PRR12: variants seen among roughly 807,000 people sequenced by gnomAD.
The protein encoded by PRR12 is proline-rich protein 12.
Under a neutral mutation model 138.0 loss-of-function variants are expected in PRR12, and 12 were observed. The ratio of observed to expected loss-of-function variants is 0.09; its 90% confidence interval spans 0.06 to 0.14. PRR12 has a LOEUF of 0.14. Ranked by LOEUF, PRR12 falls within the 10% of genes least tolerant of loss-of-function variation. PRR12 has a pLI of 1.00. For synonymous variants in PRR12, 1,567 were observed against 1,291.7 expected (o/e 1.21, Z -4.57); for missense variants, 2,692 against 2,861.3 (o/e 0.94, Z 1.35).
At position 49,601,621 on chromosome 19, in the gene PRR12, G is replaced by A. The variant is rs762743438; in HGVS notation, c.4476G>A (p.Thr1492=). The A allele has an allele frequency of 7.2e-6, 11 of 1,524,416 alleles. No individual in the cohort carries two copies. The highest frequency in any genetic ancestry group is 2.5e-5 in the East Asian group (1 of 39,802). The allele number at this position is 1,524,416 out of a possible 1,614,324, so 94.4% of individuals were successfully genotyped here. Residue 1492 remains threonine (T), a synonymous_variant, in exon 6 of 14, where the codon ACG becomes ACA. Coordinates refer to ENST00000418929, the MANE Select transcript of PRR12 (RefSeq NM_020719.3). ...CGCCACCCCCGCTGGTGGCCCCCAC[G>A]CCCAGCTCACCACCGCCACCGCCGC... ...LPSPPPLVAP[T]PSSPPPPPLP... is the part of the protein sequence containing the mutation.
intron 9 of PRR12, among the ~76,000 whole-genome samples, chr19:49,619,851 CT>C (rs55707507): frequency 1.6e-3 from 86 of 53,940 alleles, no homozygotes; most frequent in East Asian, 0.012. Context: ...CAATGCCTGG[CT>C]TTTTTTTTTT....
Position 49,594,333 on chromosome 19 carries a change from C to T in PRR12, c.200-121C>T, listed in dbSNP as rs1368951818. The T allele has an allele frequency of 1.6e-5, 15 of 926,188 alleles. No individual in the cohort carries two copies. The highest frequency in any genetic ancestry group is 2.7e-5 in the East Asian group (1 of 37,658). The allele number at this position is 926,188 out of a possible 1,614,324, so 57.4% of individuals were successfully genotyped here. ...TCTATCCATCTTGTTTTTGAATTTG[C>T]CCTTTTCTCTCCCATCCCCTCCTTT... On this transcript the variant is annotated intron_variant, in intron 2 of 13. Coordinates refer to ENST00000418929, the MANE Select transcript of PRR12 (RefSeq NM_020719.3). This position sits in a 1 kb window ranked among gnomAD's most constrained non-coding sequence, Gnocchi z 5.6.
At position 49,597,008 on chromosome 19, in the gene PRR12, C is replaced by G; in HGVS notation, c.2673C>G (p.Pro891=). The stretch of plus-strand genomic sequence containing the variant: ...TGCTCGGGGCTCTGGAGCCGCTGCC[C>G]CCGGCGCCTGGGGATACTGGCGTAG... The part of the protein sequence containing the change: ...QELLGALEPL[P]PAPGDTGVGP... Residue 891 remains proline (P), a synonymous_variant, in exon 4 of 14, where the codon CCC becomes CCG. Coordinates refer to ENST00000418929, the MANE Select transcript of PRR12 (RefSeq NM_020719.3). The surrounding 1 kb of genome is among the most constrained non-coding windows in gnomAD (Gnocchi z 6.3). The G allele has an allele frequency of 6.4e-7, 1 of 1,558,092 alleles. No homozygotes were observed. Among genetic ancestry groups the G allele is most frequent in the Non-Finnish European group, 8.7e-7 (1 of 1,153,990 alleles).
chr19:49,597,768 C>A lies in PRR12; in HGVS notation c.3433C>A (p.Pro1145Thr). 6.2e-7 allele frequency: 1 copy of A among 1,603,924 alleles called. No individual in the cohort carries two copies. The highest frequency in any genetic ancestry group is 8.5e-7 in the Non-Finnish European group (1 of 1,176,004). ...ACTGGGGGACATCGACTTCTGCCCA[C>A]CCAACCCAGGACCCGATGGCCCCCG... ...SPLGDIDFCP[P>T]NPGPDGPRRR... The change falls in exon 4 of 14, where the codon CCC becomes ACC. Residue 1145 changes from proline (P) to threonine (T), a missense_variant. Coordinates refer to ENST00000418929, the MANE Select transcript of PRR12 (RefSeq NM_020719.3). This position sits in a 1 kb window ranked among gnomAD's most constrained non-coding sequence, Gnocchi z 6.3.
chr19:49,593,051 G>A (rs1252032335), intron 1 of PRR12, among the ~76,000 whole-genome samples: 2 of 152,244 alleles, frequency 1.3e-5, no homozygotes, highest in Non-Finnish European at 2.9e-5. Context: ...ACCCTCTTCT[G>A]TGTGTTAGTC....
At chr19:49,622,302 C>G (rs1323747344) in intron 11 of PRR12, among the ~76,000 whole-genome samples, 1 of 152,036 alleles carries the variant, frequency 6.6e-6, no homozygotes, top group Non-Finnish European at 1.5e-5. Context: ...GCAGGAAGGC[C>G]GGGCACAGTG....
At chr19:49,601,399 C>T in intron 5 of PRR12, 92 bp from the exon 6 acceptor site, 1 of 726,686 alleles carries the variant, frequency 1.4e-6, no homozygotes, top group South Asian at 1.8e-5. Context: ...TACAGAGGGG[C>T]TTTTGGTATA....
Position 49,625,246 on chromosome 19 carries a change from C to T in PRR12, c.5964+46C>T. ...CCATCGCCCTGGGATTCCAACCTTT[C>T]TGACTTCCTCTTGGGATCTGAGGGT... On this transcript the variant is annotated intron_variant, in intron 13 of 13. Coordinates refer to ENST00000418929, the MANE Select transcript of PRR12 (RefSeq NM_020719.3). This position sits in a 1 kb window ranked among gnomAD's most constrained non-coding sequence, Gnocchi z 5.5. The T allele has an allele frequency of 1.3e-6, 2 of 1,579,340 alleles. No individual in the cohort carries two copies. Among genetic ancestry groups the T allele is most frequent in the Non-Finnish European group, 1.7e-6 (2 of 1,150,204 alleles).
At position 49,605,282 on chromosome 19, in the gene PRR12, G is replaced by A. The variant is rs554228646; in HGVS notation, c.4773+3364G>A. On this transcript the variant is annotated intron_variant, in intron 6 of 13. Coordinates refer to ENST00000418929, the MANE Select transcript of PRR12 (RefSeq NM_020719.3). ...CGTATTCTTTTTTTTGTTTGTTTGA[G>A]ATAGTGTTTCGCTCTTGTTGCCCAG... Among the ~76,000 whole-genome samples, 5 of 152,102 alleles carry A rather than the reference G, an allele frequency of 3.3e-5. No homozygotes were observed. The East Asian group carries it at 9.7e-4, about 29-fold the overall frequency.
At position 49,616,313 on chromosome 19, in the gene PRR12, C is replaced by A; in HGVS notation, c.5497+94C>A. On this transcript the variant is annotated intron_variant, in intron 9 of 13. Transcript: ENST00000418929. The surrounding 1 kb of genome is among the most constrained non-coding windows in gnomAD (Gnocchi z 4.2). ...AGGGCTCCAGGTAGCCTTGGCAGGACAGTAAGAACCAGTATGTTACAGATA... is the reference window on the plus strand; with the variant it reads ...AGGGCTCCAGGTAGCCTTGGCAGGAAAGTAAGAACCAGTATGTTACAGATA... 9.2e-7 allele frequency: 1 copy of A among 1,089,832 alleles called. No individual in the cohort carries two copies. Among genetic ancestry groups the A allele is most frequent in the Non-Finnish European group, 1.3e-6 (1 of 779,524 alleles). The allele number at this position is 1,089,832 out of a possible 1,614,324, so 67.5% of individuals were successfully genotyped here. A position where few individuals can be genotyped will look rare whatever the true frequency, so the allele number is the denominator to read the frequency against.
chr19:49,612,594 C>T (rs533215911), intron 6 of PRR12, among the ~76,000 whole-genome samples: 9 of 152,138 alleles, frequency 5.9e-5, no homozygotes, highest in East Asian at 1.9e-4. Context: ...TCACCAACAC[C>T]GGGAGTGGGA....
intron 6 of PRR12, among the ~76,000 whole-genome samples, chr19:49,608,826 A>C (rs573648439): frequency 6.6e-6 from 1 of 151,834 alleles, no homozygotes; most frequent in South Asian, 2.1e-4. Context: ...GGTGACAGTG[A>C]ATGTGACCCT....
Position 49,595,507 on chromosome 19 carries a change from C to T in PRR12, c.1172C>T (p.Thr391Met), listed in dbSNP as rs1319832235. 37 of 1,562,428 alleles carry T rather than the reference C, an allele frequency of 2.4e-5. No individual in the cohort carries two copies. The highest frequency in any genetic ancestry group is 2.6e-5 in the Non-Finnish European group (30 of 1,154,310). ...RPIIQSPGYK[T>M]GKGGYGAAAG... Reference sequence around the variant, plus strand: ...ATCATTCAGTCGCCTGGGTACAAGACGGGCAAAGGTGGTTATGGAGCAGCT... The same window carrying T: ...ATCATTCAGTCGCCTGGGTACAAGATGGGCAAAGGTGGTTATGGAGCAGCT... The change falls in exon 4 of 14, where the codon ACG becomes ATG. Residue 391 changes from threonine to methionine, a missense_variant. Physicochemically the swap from Thr to Met is moderately conservative, Grantham distance 81 (BLOSUM62 -1). Coordinates refer to ENST00000418929, the MANE Select transcript of PRR12 (RefSeq NM_020719.3).
At chr19:49,615,590 G>GTCAGAGTCCCAGAGAGGGAGGGGA (rs1555743415) in intron 8 of PRR12, among the ~76,000 whole-genome samples, 157 bp from the exon 9 acceptor site, 30,134 of 109,768 alleles carry the variant, frequency 0.27, 7,862 homozygotes, top group African/African-American at 0.53. Context: ...GAGGGAGGGG[G>GTCAGAGTCCCAGAGAGGGAGGGGA]TCAGAGTCCC....
Position 49,599,819 on chromosome 19 carries a change from C to T in PRR12, c.4226C>T (p.Pro1409Leu). 2 of 1,613,524 alleles carry T rather than the reference C, an allele frequency of 1.2e-6. No homozygotes were observed. Among genetic ancestry groups the T allele is most frequent in the Non-Finnish European group, 1.7e-6 (2 of 1,179,892 alleles). Reference protein sequence around the residue: ...SSAISALDDPPLAGPKDTSTP... With the variant: ...SSAISALDDPLLAGPKDTSTP... Reference sequence around the variant, plus strand: ...GCCATCTCTGCCCTCGATGACCCACCCCTTGCTGGGCCAAAAGACACTTCC... The same window carrying T: ...GCCATCTCTGCCCTCGATGACCCACTCCTTGCTGGGCCAAAAGACACTTCC... The change falls in exon 5 of 14, where the codon CCC becomes CTC. Residue 1409 changes from proline to leucine, a missense_variant. Pro to Leu is a moderately conservative substitution (Grantham distance 98). Transcript: ENST00000418929. This position sits in a 1 kb window ranked among gnomAD's most constrained non-coding sequence, Gnocchi z 5.0.
At position 49,591,244 on chromosome 19, in the gene PRR12, G is replaced by A. The variant is rs948375623; in HGVS notation, c.-411G>A. 2.9e-5 allele frequency among the ~76,000 whole-genome samples: 4 copies of A among 137,490 alleles called. No homozygotes were observed. Among genetic ancestry groups the A allele is most frequent in the Non-Finnish European group, 6.6e-5 (4 of 60,642 alleles). 90.2% of individuals were successfully genotyped at this position (137,490 alleles called of 152,430 possible). A position where few individuals can be genotyped will look rare whatever the true frequency, so the allele number is the denominator to read the frequency against. On this transcript the variant is annotated 5_prime_UTR_variant, in exon 1 of 14. Coordinates refer to ENST00000418929, the MANE Select transcript of PRR12 (RefSeq NM_020719.3). ...CCGTGAGCGCAGAGGAGGAGGAGGC[G>A]GCGGCGGCGGCGGCGAGAGAGCGAG...
Position 49,625,887 on chromosome 19 carries a change from T to G in PRR12, c.*280T>G. 4 of 238,452 alleles carry G rather than the reference T, an allele frequency of 1.7e-5. No homozygotes were observed. Among genetic ancestry groups the G allele is most frequent in the Non-Finnish European group, 3.2e-5 (4 of 125,970 alleles). The allele number at this position is 238,452 out of a possible 1,614,324, so 14.8% of individuals were successfully genotyped here. A position where few individuals can be genotyped will look rare whatever the true frequency, so the allele number is the denominator to read the frequency against. ...ATTTAGTAACGGTTTCCCTCTCCCC[T>G]TGCCCCGACCCCCCCTCCACAGCCA... On this transcript the variant is annotated 3_prime_UTR_variant, in exon 14 of 14. Coordinates refer to ENST00000418929, the MANE Select transcript of PRR12 (RefSeq NM_020719.3). This position sits in a 1 kb window ranked among gnomAD's most constrained non-coding sequence, Gnocchi z 5.5.
intron 6 of PRR12, among the ~76,000 whole-genome samples, chr19:49,611,513 C>T (rs996133993): frequency 6.6e-6 from 1 of 151,918 alleles, no homozygotes; most frequent in Non-Finnish European, 1.5e-5. Context: ...TGGCAGGTGC[C>T]TGTAATCCCA....
chr19:49,595,419 G>T lies in PRR12; in HGVS notation c.1084G>T (p.Ala362Ser). 1.3e-6 allele frequency: 2 copies of T among 1,545,822 alleles called. No individual in the cohort carries two copies. Among genetic ancestry groups the T allele is most frequent in the South Asian group, 2.4e-5 (2 of 83,682 alleles). The change falls in exon 4 of 14, where the codon GCC (alanine) becomes TCC (serine). Residue 362 changes from alanine to serine, a missense_variant. By Grantham distance (99) the Ala-to-Ser change is moderately conservative (BLOSUM62 1). This residue lies in a region of PRR12 where 523 missense variants were observed against 496.4 expected (regional missense o/e 1.05). Coordinates refer to ENST00000418929, the MANE Select transcript of PRR12 (RefSeq NM_020719.3). ...AGCCACGGCTGGGGCATCTGGCCGG[G>T]CCACGGGCCCTGAGGCAGCAGGGGG... is the stretch of plus-strand genomic sequence containing the variant. ...SGATAGASGR[A>S]TGPEAAGGGG...
Sources: allele counts gnomAD v4.1 joint callset (sites outside exome capture counted in the v4.1 genomes callset), GRCh38; gene constraint gnomAD v4.1.1; regional missense constraint gnomAD v4.1.1; non-coding constraint Gnocchi (gnomAD v3.1); transcripts MANE v1.5; gene names NCBI Gene and HGNC (gene_info 2026-07-23, HGNC 2026-07-21).